The following RIMBP2 variants were observed in gnomAD, a reference collection of about 807,000 sequenced individuals.
RIMBP2 encodes the protein RIMS binding protein 2.
In RIMBP2, 48 loss-of-function variants were observed where a neutral mutation model predicts 118.6. The observed-to-expected ratio is 0.40, with a 90% CI of 0.32 to 0.51. The LOEUF (loss-of-function observed/expected upper bound fraction) is 0.51, where lower values mean the gene tolerates loss of function less well. RIMBP2 is among the 20% of genes least tolerant of loss of function. The probability of loss-of-function intolerance (pLI) is 0.41; values close to 1 mark genes in which losing one functional copy is unlikely to be tolerated. For synonymous variants in RIMBP2, 762 were observed against 742.9 expected, an observed-to-expected ratio of 1.03 and a Z score of -0.42; for missense variants, 1,551 against 1,768.3, an observed-to-expected ratio of 0.88 and a Z score of 2.20.
Position 130,530,830 on chromosome 12 carries a change from C to T in RIMBP2, c.-216-12913G>A, listed in dbSNP as rs577440216. Among the ~76,000 whole-genome samples the T allele has an allele frequency of 5.3e-5, 8 of 152,314 alleles. No homozygotes were observed. In the East Asian group the frequency reaches 1.5e-3, roughly 29 times the overall value. ...AACCTAGGGGTTTTTCTTCACCACACTTCAAATTCTTGAGCAAGGCCACAT... is the reference window on the plus strand; with the variant it reads ...AACCTAGGGGTTTTTCTTCACCACATTTCAAATTCTTGAGCAAGGCCACAT... On this transcript the variant is annotated intron_variant, in intron 2 of 22. Coordinates refer to ENST00000690449, the MANE Select transcript of RIMBP2 (RefSeq NM_001393629.1).
Position 130,552,618 on chromosome 12 carries a change from G to A in RIMBP2, c.-216-34701C>T, listed in dbSNP as rs576065101. On this transcript the variant is annotated intron_variant, in intron 2 of 22. Coordinates refer to ENST00000690449, the MANE Select transcript of RIMBP2 (RefSeq NM_001393629.1). Reference sequence around the variant, plus strand: ...AGTCCTGACACTAGAAATTCATGCAGCAAGGTCATGTTTTCACAACAAATC... The same window carrying A: ...AGTCCTGACACTAGAAATTCATGCAACAAGGTCATGTTTTCACAACAAATC... Among the ~76,000 whole-genome samples, 20 of 152,322 alleles carry A rather than the reference G, an allele frequency of 1.3e-4. No individual in the cohort carries two copies. In the East Asian group the frequency reaches 3.9e-3, roughly 29 times the overall value.
At chr12:130,440,603 G>T (rs192958783) in intron 11 of RIMBP2, among the ~76,000 whole-genome samples, 1 of 152,172 alleles carries the variant, frequency 6.6e-6, no homozygotes, top group African/African-American at 2.4e-5. Flanking sequence ...GGTGTTTCTC[G>T]TTCTTCACCC....
At chr12:130,416,310 C>T (rs983631849) in intron 17 of RIMBP2, among the ~76,000 whole-genome samples, 32 of 152,180 alleles carry the variant, frequency 2.1e-4, no homozygotes, top group Non-Finnish European at 4.6e-4. Flanking sequence ...CATCACATTA[C>T]CTGACTTCAA....
At chr12:130,490,313 T>C (rs1316458810) in intron 4 of RIMBP2, among the ~76,000 whole-genome samples, 1 of 151,888 alleles carries the variant, frequency 6.6e-6, no homozygotes, top group Non-Finnish European at 1.5e-5. Flanking sequence ...AAGCAGAAAA[T>C]AAATCTGTCC....
At chr12:130,655,993 G>A (rs558134992) in intron 1 of RIMBP2, among the ~76,000 whole-genome samples, 3 of 152,362 alleles carry the variant, frequency 2.0e-5, no homozygotes, top group African/African-American at 7.2e-5. Context: ...TCTGGGGAAT[G>A]GAGGAAGCTC....
intron 1 of RIMBP2, among the ~76,000 whole-genome samples, chr12:130,699,957 C>T (rs552664304): frequency 2.5e-4 from 38 of 150,408 alleles, no homozygotes; most frequent in Non-Finnish European, 5.0e-4. Context: ...TTAAAATATC[C>T]CAATTTTTAA....
At chr12:130,415,814 C>T (rs1158835856) in intron 17 of RIMBP2, among the ~76,000 whole-genome samples, 1 of 152,178 alleles carries the variant, frequency 6.6e-6, no homozygotes, top group Middle Eastern at 3.2e-3. Context: ...CCTGAAGACT[C>T]TGCTAAAAGG....
chr12:130,615,245 C>CATAATTATGTATAATTATGT (rs201262394), intron 2 of RIMBP2, among the ~76,000 whole-genome samples: 1 of 129,740 alleles, frequency 7.7e-6, no homozygotes, highest in Non-Finnish European at 1.6e-5. Context: ...TATATGTACA[C>CATAATTATGTATAATTATGT]ATAATTATGT....
At position 130,447,474 on chromosome 12, in the gene RIMBP2, G is replaced by A. The variant is rs914096795; in HGVS notation, c.582-2205C>T. ...AGAAGTAGGTCAGGGGTCACGCAGC[G>A]CTGGAGGCGGGGGAGGAGGGACAGG... On this transcript the variant is annotated intron_variant, in intron 9 of 22. Coordinates refer to ENST00000690449, the MANE Select transcript of RIMBP2 (RefSeq NM_001393629.1). The surrounding 1 kb of genome is among the most constrained non-coding windows in gnomAD (Gnocchi z 4.4). Among the ~76,000 whole-genome samples, 11 of 152,140 alleles carry A rather than the reference G, an allele frequency of 7.2e-5. No homozygotes were observed. The highest frequency in any genetic ancestry group is 2.1e-4 in the South Asian group (1 of 4,826).
At chr12:130,611,554 G>A (rs7294742) in intron 2 of RIMBP2, among the ~76,000 whole-genome samples, 13,725 of 152,234 alleles carry the variant, frequency 0.09, 823 homozygotes, top group East Asian at 0.21. Context: ...CCATGCTGGC[G>A]GCGACGCGTC....
intron 2 of RIMBP2, among the ~76,000 whole-genome samples, chr12:130,609,346 G>A (rs1376381923): frequency 6.6e-6 from 1 of 152,092 alleles, no homozygotes; most frequent in Non-Finnish European, 1.5e-5. Flanking sequence ...TCTACACAAC[G>A]GAATGCTGTT....
At chr12:130,492,288 T>C (rs191094392) in intron 4 of RIMBP2, among the ~76,000 whole-genome samples, 1 of 152,232 alleles carries the variant, frequency 6.6e-6, no homozygotes, top group African/African-American at 2.4e-5. Flanking sequence ...GCATCACGAC[T>C]GTCTGTCCTA....
chr12:130,600,211 C>G (rs1240795811), intron 2 of RIMBP2, among the ~76,000 whole-genome samples: 2 of 152,228 alleles, frequency 1.3e-5, no homozygotes, highest in African/African-American at 4.8e-5. Flanking sequence ...GCACTGCCAT[C>G]TTGGACAAGT....
At chr12:130,679,686 T>C (rs1319507802) in intron 1 of RIMBP2, among the ~76,000 whole-genome samples, 1 of 152,216 alleles carries the variant, frequency 6.6e-6, no homozygotes, top group African/African-American at 2.4e-5. Flanking sequence ...AAACACTCTG[T>C]ACAAAAATAC....
At chr12:130,689,482 A>C (rs1025546655) in intron 1 of RIMBP2, among the ~76,000 whole-genome samples, 1 of 152,168 alleles carries the variant, frequency 6.6e-6, no homozygotes, top group African/African-American at 2.4e-5. Flanking sequence ...CTTCTCTTTC[A>C]TTAGACCTGA....
At chr12:130,572,231 G>A (rs1267825874) in intron 2 of RIMBP2, among the ~76,000 whole-genome samples, 3 of 87,984 alleles carry the variant, frequency 3.4e-5, no homozygotes, top group Non-Finnish European at 6.3e-5. Flanking sequence ...TAGGAGGAGG[G>A]GCCTCCCACT....
At chr12:130,671,062 A>G (rs1319841558) in intron 1 of RIMBP2, among the ~76,000 whole-genome samples, 6 of 152,268 alleles carry the variant, frequency 3.9e-5, no homozygotes, top group South Asian at 4.1e-4. Flanking sequence ...ACAGGCCGGG[A>G]AGGCTTCTGC....
intron 4 of RIMBP2, among the ~76,000 whole-genome samples, chr12:130,492,517 T>A (rs922792902): frequency 3.3e-5 from 5 of 152,348 alleles, no homozygotes; most frequent in Middle Eastern, 6.8e-3. Flanking sequence ...TTCCTTCTCC[T>A]CTGGCCCTGA....
At chr12:130,608,982 C>A (rs968040277) in intron 2 of RIMBP2, among the ~76,000 whole-genome samples, 7 of 152,130 alleles carry the variant, frequency 4.6e-5, no homozygotes, top group African/African-American at 1.7e-4. Context: ...TCTACTTCTA[C>A]GAGATCAACT....
Sources: allele counts gnomAD v4.1 joint callset (sites outside exome capture counted in the v4.1 genomes callset), GRCh38; gene constraint gnomAD v4.1.1; non-coding constraint Gnocchi (gnomAD v3.1); transcripts MANE v1.5; gene names NCBI Gene and HGNC (gene_info 2026-07-23, HGNC 2026-07-21).